Variants in VDAC1 observed in about 807,000 individuals in gnomAD.
VDAC1 encodes non-selective voltage-gated ion channel VDAC1.
A neutral mutation model predicts 34.7 loss-of-function variants in VDAC1; 10 were observed. The ratio of observed to expected loss-of-function variants is 0.29; its 90% CI spans 0.18 to 0.49. The LOEUF (loss-of-function observed/expected upper bound fraction) is 0.49, where lower values mean the gene tolerates loss of function less well. Among genes scored for constraint, VDAC1 ranks in the 20% least tolerant of loss-of-function variants. VDAC1 has a pLI of 0.99. For synonymous variants in VDAC1, 130 were observed against 136.0 expected, an observed-to-expected ratio of 0.96 and a Z score of 0.30; for missense variants, 230 against 347.9, an observed-to-expected ratio of 0.66 and a Z score of 2.69.
At chr5:133,991,281 T>G (rs1350025107) in intron 3 of VDAC1, 127 bp from the exon 4 acceptor site, 2 of 1,162,904 alleles carry the variant, frequency 1.7e-6, no homozygotes, top group Non-Finnish European at 2.4e-6. Context: ...CAAGGCTAAC[T>G]CTACAATTCA....
At chr5:134,096,049 C>A in the VDAC1 span, among the ~76,000 whole-genome samples, 1 of 152,204 alleles carries the variant, frequency 6.6e-6, no homozygotes, top group Admixed American at 6.5e-5. Flanking sequence ...GACCGATAAG[C>A]CATGGGCGCC....
At chr5:134,024,880 A>T in the VDAC1 span, among the ~76,000 whole-genome samples, 1 of 152,024 alleles carries the variant, frequency 6.6e-6, no homozygotes, top group African/African-American at 2.4e-5. Flanking sequence ...CTCTGCACCC[A>T]CTCCCCTACC....
At chr5:134,055,588 GTTTTTTTTTTTTTTTTTTT>G in the VDAC1 span, among the ~76,000 whole-genome samples, 1 of 59,626 alleles carries the variant, frequency 1.7e-5, no homozygotes, top group African/African-American at 7.2e-5. Context: ...CCCCGCTAAT[GTTTTTTTTTTTTTTTTTTT>G]TTTTTTTTTT....
the VDAC1 span, among the ~76,000 whole-genome samples, chr5:134,088,363 C>A: frequency 6.6e-6 from 1 of 152,186 alleles, no homozygotes; most frequent in South Asian, 2.1e-4. Context: ...AGCTTCCAAG[C>A]TCTCTGGGGG....
At chr5:134,011,784 T>C in the VDAC1 span, among the ~76,000 whole-genome samples, 2 of 151,820 alleles carry the variant, frequency 1.3e-5, no homozygotes, top group African/African-American at 2.4e-5. Context: ...GGATTACAGG[T>C]GCCCACCACC....
the VDAC1 span, among the ~76,000 whole-genome samples, chr5:134,113,098 C>A: frequency 6.6e-6 from 1 of 152,208 alleles, no homozygotes; most frequent in Non-Finnish European, 1.5e-5. Context: ...CTGTACCTCT[C>A]CCCTCCGGGC....
chr5:133,982,769 A>T (rs1418968633), intron 5 of VDAC1, among the ~76,000 whole-genome samples: 2 of 151,298 alleles, frequency 1.3e-5, no homozygotes, highest in Non-Finnish European at 2.9e-5. Flanking sequence ...ACATGCCTGT[A>T]ATCTCATCTA....
chr5:133,985,075 C>A (rs974746340), intron 5 of VDAC1, among the ~76,000 whole-genome samples: 1 of 152,158 alleles, frequency 6.6e-6, no homozygotes, highest in East Asian at 1.9e-4. Context: ...ATAAAGAATA[C>A]TTTCTGGAGG....
chr5:134,098,035 A>T, the VDAC1 span, among the ~76,000 whole-genome samples: 1 of 151,240 alleles, frequency 6.6e-6, no homozygotes, highest in Non-Finnish European at 1.5e-5. Context: ...ACGCCTGGCT[A>T]ATTTTTGTAT....
the VDAC1 span, among the ~76,000 whole-genome samples, chr5:134,035,678 T>A: frequency 1.3e-5 from 2 of 152,176 alleles, no homozygotes; most frequent in Non-Finnish European, 2.9e-5. Context: ...AAATTCCAAC[T>A]AATAAATGCA....
At chr5:134,002,927 C>T (rs865790278) in intron 1 of VDAC1, among the ~76,000 whole-genome samples, 11 of 151,494 alleles carry the variant, frequency 7.3e-5, no homozygotes, top group Non-Finnish European at 1.5e-4. Flanking sequence ...TATGGTGCCA[C>T]CGCGCTCCAG....
At chr5:134,103,372 C>T in the VDAC1 span, among the ~76,000 whole-genome samples, 2 of 152,204 alleles carry the variant, frequency 1.3e-5, no homozygotes, top group African/African-American at 4.8e-5. Context: ...ATCCGGCCAC[C>T]TCGGCCTCCC....
the VDAC1 span, among the ~76,000 whole-genome samples, chr5:134,074,195 C>T: frequency 6.6e-6 from 1 of 151,822 alleles, no homozygotes; most frequent in Non-Finnish European, 1.5e-5. Flanking sequence ...ACCTGTAGTC[C>T]CAGCTACTCG....
chr5:134,109,002 T>C, the VDAC1 span, among the ~76,000 whole-genome samples: 1 of 152,202 alleles, frequency 6.6e-6, no homozygotes, highest in South Asian at 2.1e-4. Flanking sequence ...CCAGGAGGGT[T>C]TCTGAACCCC....
At chr5:134,041,739 T>C in the VDAC1 span, among the ~76,000 whole-genome samples, 1 of 152,166 alleles carries the variant, frequency 6.6e-6, no homozygotes, top group East Asian at 1.9e-4. Context: ...CAGGGCGCTT[T>C]GCATGGCCCC....
Position 133,989,735 on chromosome 5 carries a change from TCAC to T in VDAC1, c.323+1117_323+1119del, listed in dbSNP as rs530108440. Among the ~76,000 whole-genome samples, 22 of 151,680 alleles carry T rather than the reference TCAC, an allele frequency of 1.5e-4. No individual in the cohort carries two copies. The South Asian group carries it at 4.6e-3, about 32-fold the overall frequency. ...TGCAGTGCAATGGCACCACCTTGGC[TCAC>T]CACAACCTCTGCCTCCCAGGTTCAA... On this transcript the variant is annotated intron_variant, in intron 5 of 8. Coordinates refer to ENST00000265333, the MANE Select transcript of VDAC1 (RefSeq NM_003374.3).
intron 1 of VDAC1, among the ~76,000 whole-genome samples, chr5:133,995,138 C>T (rs1753249899): frequency 6.6e-6 from 1 of 152,162 alleles, no homozygotes; most frequent in African/African-American, 2.4e-5. Flanking sequence ...GCCTGAAGTA[C>T]AAGGCCACTA....
chr5:134,056,164 C>T, the VDAC1 span, among the ~76,000 whole-genome samples: 16,284 of 146,956 alleles, frequency 0.11, 1,106 homozygotes, highest in East Asian at 0.29. Flanking sequence ...TTGCTTGAAC[C>T]GGGGAGGCAG....
chr5:134,096,561 C>A, the VDAC1 span, among the ~76,000 whole-genome samples: 3 of 152,088 alleles, frequency 2.0e-5, no homozygotes, highest in Admixed American at 6.6e-5. Context: ...CCCCTGCCTT[C>A]CCCCTTTCTA....
Sources: gnomAD v4.1 joint callset for allele counts (sites outside exome capture counted in the v4.1 genomes callset) on GRCh38, gnomAD v4.1.1 for gene constraint, MANE v1.5 for transcripts, NCBI Gene and HGNC (gene_info 2026-07-23, HGNC 2026-07-21) for gene names.